Variants in FAM83E observed in about 807,000 individuals in gnomAD.
FAM83E encodes the protein protein FAM83E.
In FAM83E, 29 loss-of-function variants were observed where a neutral mutation model predicts 34.3. That is an observed-to-expected ratio of 0.85 (90% CI 0.63 to 1.15). The LOEUF is 1.15. FAM83E is among the 50% of genes most tolerant of loss of function. The probability of loss-of-function intolerance (pLI) is 0.00; values close to 1 mark genes in which losing one functional copy is unlikely to be tolerated. For synonymous variants in FAM83E, 312 were observed against 311.6 expected (o/e 1.00, Z -0.01); for missense variants, 697 against 685.0 (o/e 1.02, Z -0.20).
chr19:48,611,216 T>C (rs57055839), intron 3 of FAM83E, among the ~76,000 whole-genome samples: 12,137 of 150,822 alleles, frequency 0.08, 634 homozygotes, highest in Admixed American at 0.15. Flanking sequence ...TCTCCCAGGC[T>C]GCAGCTCAGG....
intron 5 of FAM83E, chr19:48,607,254 C>G: frequency 6.2e-7 from 1 of 1,608,594 alleles, no homozygotes; most frequent in East Asian, 2.2e-5. Flanking sequence ...ACTGCTGCAC[C>G]GGCCGCCTGT....
rs1179168926 is a variant in FAM83E at position 48,614,591 on chromosome 19, AC to A, written c.-1220del. On this transcript the variant is annotated 5_prime_UTR_variant, in exon 3 of 7. Coordinates refer to ENST00000263266, the MANE Select transcript of FAM83E (RefSeq NM_017708.4). Reference sequence around the variant, plus strand: ...GAAGCCCTTCATTCCAATCCCACCAACCCAGGCCGCTGCTTCCTCCAGACCA... The same window carrying A: ...GAAGCCCTTCATTCCAATCCCACCAACCAGGCCGCTGCTTCCTCCAGACCA... 1.0e-6 allele frequency: 1 copy of A among 985,898 alleles called. No individual in the cohort carries two copies. The highest frequency in any genetic ancestry group is 1.8e-5 in the African/African-American group (1 of 57,132). The allele number at this position is 985,898 out of a possible 1,614,324, so 61.1% of individuals were successfully genotyped here.
chr19:48,603,998 G>A (rs1601123782), intron 5 of FAM83E, 87 bp from the exon 6 acceptor site: 6 of 1,399,374 alleles, frequency 4.3e-6, no homozygotes, highest in South Asian at 2.7e-5. Context: ...AGGGGAGACC[G>A]TAGGACCTCA....
At chr19:48,609,852 T>TG in intron 5 of FAM83E, 24 bp downstream of exon 5, 4 of 1,575,036 alleles carry the variant, frequency 2.5e-6, no homozygotes, top group Middle Eastern at 1.8e-4. Context: ...CGCCGGGAGG[T>TG]GGGGGGCGGG....
intron 5 of FAM83E, among the ~76,000 whole-genome samples, chr19:48,609,516 C>T (rs1974001999): frequency 6.6e-6 from 1 of 152,060 alleles, no homozygotes; most frequent in Admixed American, 6.6e-5. Flanking sequence ...GCGTGAGCCA[C>T]CATGTCCGGG....
chr19:48,606,903 T>TAAGGA (rs2147643311), intron 5 of FAM83E: 1 of 1,529,072 alleles, frequency 6.5e-7, no homozygotes, highest in African/African-American at 1.4e-5. Flanking sequence ...TCCTCAGAGG[T>TAAGGA]CCTTCATTCA....
rs1436403553 is a variant in FAM83E at position 48,614,520 on chromosome 19, C to A, written c.-1148G>T. ...AAGCCTCAGTTATCCCCTTGAGGCT[C>A]CTGACCCAACCTCGGGGACCCTGGA... On this transcript the variant is annotated 5_prime_UTR_variant, in exon 3 of 7. It introduces an in-frame stop codon into an upstream open reading frame of the 5' UTR. Coordinates refer to ENST00000263266, the MANE Select transcript of FAM83E (RefSeq NM_017708.4). 6.1e-6 allele frequency: 6 copies of A among 985,710 alleles called. 1 individual carries two copies. In the South Asian group the frequency reaches 2.8e-4, roughly 46 times the overall value. The allele number at this position is 985,710 out of a possible 1,614,324, so 61.1% of individuals were successfully genotyped here.
intron 6 of FAM83E, 122 bp downstream of exon 6, chr19:48,603,372 G>A: frequency 1.1e-6 from 1 of 917,556 alleles, no homozygotes; most frequent in Non-Finnish European, 1.5e-6. Flanking sequence ...TAGGGGTGCA[G>A]GCCCTCAGGA....
At chr19:48,607,454 C>T in intron 5 of FAM83E, 2 of 1,423,086 alleles carry the variant, frequency 1.4e-6, no homozygotes, top group Non-Finnish European at 1.9e-6. Context: ...CCCTGGACAA[C>T]CTCTTGCGGC....
intron 3 of FAM83E, among the ~76,000 whole-genome samples, chr19:48,611,389 C>T (rs553187120): frequency 4.6e-5 from 7 of 151,150 alleles, no homozygotes; most frequent in Middle Eastern, 6.9e-3. Flanking sequence ...AGGATGGTCT[C>T]GATCTCCTGA....
chr19:48,611,625 G>A (rs560780458), intron 3 of FAM83E, among the ~76,000 whole-genome samples: 4 of 152,028 alleles, frequency 2.6e-5, no homozygotes, highest in Non-Finnish European at 5.9e-5. Context: ...CCACCACCAC[G>A]CCCGGCTAAT....
Position 48,601,015 on chromosome 19 carries a change from G to T in FAM83E, c.*94C>A. On this transcript the variant is annotated 3_prime_UTR_variant, in exon 7 of 7. Transcript: ENST00000263266. ...GACAGACGCCGAGGCCAGAAGCCTT[G>T]TCCAAGGCAGGGCATTGAGGCAGAG... 1 of 1,498,460 alleles carries T rather than the reference G, an allele frequency of 6.7e-7. No individual in the cohort carries two copies. The highest frequency in any genetic ancestry group is 8.9e-7 in the Non-Finnish European group (1 of 1,129,468). 92.8% of individuals were successfully genotyped at this position (1,498,460 alleles called of 1,614,324 possible). A position where few individuals can be genotyped will look rare whatever the true frequency, so the allele number is the denominator to read the frequency against.
At chr19:48,609,812 G>T in intron 5 of FAM83E, 64 bp downstream of exon 5, 1 of 1,552,530 alleles carries the variant, frequency 6.4e-7, no homozygotes, top group Non-Finnish European at 8.8e-7. Flanking sequence ...GCTGTTCTCT[G>T]AGCACACTGA....
intron 5 of FAM83E, chr19:48,607,042 G>A: frequency 1.2e-6 from 2 of 1,612,542 alleles, no homozygotes; most frequent in South Asian, 1.1e-5. Context: ...GGGCGTCAAG[G>A]ACTGCGTCTT....
chr19:48,604,051 A>G (rs1473990276), intron 5 of FAM83E, 140 bp from the exon 6 acceptor site: 4 of 808,932 alleles, frequency 4.9e-6, no homozygotes, highest in Admixed American at 7.5e-5. Flanking sequence ...CTGTCTGTAG[A>G]ATGGGCACAA....
At chr19:48,604,322 A>ATTTTTTTTTTTTTT (rs913336534) in intron 5 of FAM83E, among the ~76,000 whole-genome samples, 1 of 97,950 alleles carries the variant, frequency 1.0e-5, no homozygotes, top group Non-Finnish European at 1.9e-5. Context: ...TGACCCTGGG[A>ATTTTTTTTTTTTTT]TTTTTTTTTT....
chr19:48,601,004 C>T lies in FAM83E; in HGVS notation c.*105G>A. 1.3e-6 allele frequency: 2 copies of T among 1,485,066 alleles called. No individual in the cohort carries two copies. The highest frequency in any genetic ancestry group is 1.4e-5 in the South Asian group (1 of 72,590). 92.0% of individuals were successfully genotyped at this position (1,485,066 alleles called of 1,614,324 possible). A position where few individuals can be genotyped will look rare whatever the true frequency, so the allele number is the denominator to read the frequency against. Reference sequence around the variant, plus strand: ...CCCTTCTGCTTGACAGACGCCGAGGCCAGAAGCCTTGTCCAAGGCAGGGCA... The same window carrying T: ...CCCTTCTGCTTGACAGACGCCGAGGTCAGAAGCCTTGTCCAAGGCAGGGCA... On this transcript the variant is annotated 3_prime_UTR_variant, in exon 7 of 7. Coordinates refer to ENST00000263266, the MANE Select transcript of FAM83E (RefSeq NM_017708.4).
rs199701408 is a variant in FAM83E, at chr19:48,603,504, C to G, written c.1166G>C (p.Gly389Ala). The part of the protein sequence containing the change: ...RLSQLSGSSD[G>A]DNELKKSWGS... ...GCCACAAGGTCTCACCTCGTTGTCC[C>G]CATCACTGGAGCCAGACAGCTGGGA... Residue 389 changes from glycine (G) to alanine (A), a missense_variant, in exon 6 of 7, where the codon GGG becomes GCG. Coordinates refer to ENST00000263266, the MANE Select transcript of FAM83E (RefSeq NM_017708.4). 46 of 1,566,680 alleles carry G rather than the reference C, an allele frequency of 2.9e-5. No individual in the cohort carries two copies. The highest frequency in any genetic ancestry group is 7.1e-5 in the Admixed American group (4 of 56,256).
At chr19:48,602,704 A>AAT (rs71294394) in intron 6 of FAM83E, among the ~76,000 whole-genome samples, 73 of 27,496 alleles carry the variant, frequency 2.7e-3, no homozygotes, top group South Asian at 4.3e-3. Context: ...AAAAAAAAAA[A>AAT]ATATATATAT....
Sources: allele counts gnomAD v4.1 joint callset (sites outside exome capture counted in the v4.1 genomes callset), GRCh38; gene constraint gnomAD v4.1.1; transcripts MANE v1.5; gene names NCBI Gene and HGNC (gene_info 2026-07-23, HGNC 2026-07-21).